PKD1L3: variants seen among roughly 807,000 people sequenced by gnomAD.
PKD1L3 encodes the protein polycystin-1-like protein 3.
A neutral mutation model predicts 184.1 loss-of-function variants in PKD1L3; 239 were observed. That is an observed-to-expected ratio of 1.30 (90% CI 1.17 to 1.45). PKD1L3 has a LOEUF of 1.45. Ranked by LOEUF, PKD1L3 falls within the 40% of genes most tolerant of loss-of-function variation. The pLI is 0.00. For missense variants in PKD1L3, 2,660 were observed against 2,067.2 expected, an observed-to-expected ratio of 1.29 and a Z score of -5.56; for synonymous variants, 996 against 778.8, an observed-to-expected ratio of 1.28 and a Z score of -4.64.
chr16:71,989,478 A>C (rs946599385), intron 4 of PKD1L3, among the ~76,000 whole-genome samples: 1 of 152,226 alleles, frequency 6.6e-6, no homozygotes, highest in East Asian at 1.9e-4. Context: ...TGTTAGAAAC[A>C]CTTATTTTTG....
chr16:71,933,550 G>A, intron 27 of PKD1L3, 29 bp from the exon 28 acceptor site: 2 of 1,446,536 alleles, frequency 1.4e-6, no homozygotes, highest in Non-Finnish European at 1.9e-6. Flanking sequence ...GCCAGTTAGT[G>A]CAAGCCGAGC....
chr16:71,980,984 G>C (rs2040128619), intron 7 of PKD1L3, among the ~76,000 whole-genome samples: 1 of 152,134 alleles, frequency 6.6e-6, no homozygotes, highest in African/African-American at 2.4e-5. Flanking sequence ...ACAACATACA[G>C]TCTTTTGTGA....
intron 17 of PKD1L3, among the ~76,000 whole-genome samples, 163 bp downstream of exon 17, chr16:71,953,942 A>C (rs1597312786): frequency 6.6e-6 from 1 of 152,094 alleles, no homozygotes; most frequent in African/African-American, 2.4e-5. Flanking sequence ...TAGGCTGGGC[A>C]TGGTGACTCG....
At chr16:71,990,429 A>AT (rs1325604649) in intron 3 of PKD1L3, 100 bp from the exon 4 acceptor site, 1 of 1,027,308 alleles carries the variant, frequency 9.7e-7, no homozygotes, top group East Asian at 3.0e-5. Context: ...AATAATGCAA[A>AT]TTGTTTTACA....
chr16:71,985,402 G>A (rs1435319888), intron 5 of PKD1L3, among the ~76,000 whole-genome samples: 1 of 152,094 alleles, frequency 6.6e-6, no homozygotes, highest in East Asian at 1.9e-4. Flanking sequence ...ATTTTCTTCA[G>A]TCAATACTGT....
intron 12 of PKD1L3, among the ~76,000 whole-genome samples, 191 bp from the exon 13 acceptor site, chr16:71,970,296 C>T (rs2039663136): frequency 6.6e-6 from 1 of 152,176 alleles, no homozygotes; most frequent in South Asian, 2.1e-4. Flanking sequence ...TGAAGCAGAA[C>T]AAACTCTTTG....
Position 71,998,461 on chromosome 16 carries a change from T to G in PKD1L3, c.296-67A>C, listed in dbSNP as rs1597385678. On this transcript the variant is annotated intron_variant, in intron 1 of 29. Coordinates refer to ENST00000620267, the MANE Select transcript of PKD1L3 (RefSeq NM_181536.2). ...CCAGGCTTTTAGGTTTATTTTTTAT[T>G]ATTGTTTTTGAGACAGTCCCACTCA... The G allele has an allele frequency of 6.0e-6, 9 of 1,505,922 alleles. No individual in the cohort carries two copies. The East Asian group carries it at 2.2e-4, about 37-fold the overall frequency. 93.3% of individuals were successfully genotyped at this position (1,505,922 alleles called of 1,614,324 possible). A position where few individuals can be genotyped will look rare whatever the true frequency, so the allele number is the denominator to read the frequency against.
Position 71,944,701 on chromosome 16 carries a change from G to GTTTT in PKD1L3, c.3719-532_3719-531insAAAA, listed in dbSNP as rs200921195. On this transcript the variant is annotated intron_variant, in intron 22 of 29. Coordinates refer to ENST00000620267, the MANE Select transcript of PKD1L3 (RefSeq NM_181536.2). Reference sequence around the variant, plus strand: ...CATAGCAAGACCATATCTGTTTTTTGTTTGTTTTTTTTTTTTGAGACGGAG... The same window carrying GTTTT: ...CATAGCAAGACCATATCTGTTTTTTGTTTTTTTGTTTTTTTTTTTTGAGACGGAG... Among the ~76,000 whole-genome samples the GTTTT allele has an allele frequency of 1.1e-4, 15 of 141,144 alleles. 3 individuals are homozygous for GTTTT. Among genetic ancestry groups the GTTTT allele is most frequent in the Non-Finnish European group, 1.5e-4 (10 of 65,412 alleles). The allele number at this position is 141,144 out of a possible 152,430, so 92.6% of individuals were successfully genotyped here.
chr16:71,951,459 A>T (rs1468815983), intron 19 of PKD1L3, 105 bp downstream of exon 19: 2 of 1,152,584 alleles, frequency 1.7e-6, no homozygotes, highest in Non-Finnish European at 2.4e-6. Flanking sequence ...AACAACCAGA[A>T]GGTTGTATCA....
intron 16 of PKD1L3, among the ~76,000 whole-genome samples, chr16:71,958,771 A>G (rs1393448784): frequency 2.5e-5 from 3 of 121,628 alleles, no homozygotes; most frequent in African/African-American, 1.0e-4. Flanking sequence ...ATAGAGCAAG[A>G]CTCTATCTCA....
At chr16:71,963,156 T>G in intron 16 of PKD1L3, 49 bp downstream of exon 16, 3 of 1,466,292 alleles carry the variant, frequency 2.0e-6, no homozygotes, top group Non-Finnish European at 2.7e-6. Context: ...ACAATTCAAT[T>G]AATAGTGAAC....
At chr16:71,951,455 C>T in intron 19 of PKD1L3, 109 bp downstream of exon 19, 10 of 1,154,072 alleles carry the variant, frequency 8.7e-6, no homozygotes, top group Non-Finnish European at 1.2e-5. Flanking sequence ...TTAAAACAAC[C>T]AGAAGGTTGT....
At chr16:71,951,156 C>A (rs929797270) in intron 19 of PKD1L3, among the ~76,000 whole-genome samples, 1 of 152,106 alleles carries the variant, frequency 6.6e-6, no homozygotes, top group Non-Finnish European at 1.5e-5. Flanking sequence ...TCTCCTGCCT[C>A]AGCCTCCCCC....
intron 29 of PKD1L3, 88 bp downstream of exon 29, chr16:71,929,964 A>G: frequency 7.2e-7 from 1 of 1,390,636 alleles, no homozygotes; most frequent in African/African-American, 1.5e-5. Flanking sequence ...TGCATTATAA[A>G]TTATGTCAGC....
rs1238847809 is a variant in PKD1L3 at position 71,943,036 on chromosome 16, G to A, written c.3860-12C>T. The A allele has an allele frequency of 2.4e-5, 37 of 1,522,452 alleles. No individual in the cohort carries two copies. Among genetic ancestry groups the A allele is most frequent in the Non-Finnish European group, 2.8e-5 (32 of 1,126,472 alleles). 94.3% of individuals were successfully genotyped at this position (1,522,452 alleles called of 1,614,324 possible). A position where few individuals can be genotyped will look rare whatever the true frequency, so the allele number is the denominator to read the frequency against. On this transcript the variant is annotated splice_polypyrimidine_tract_variant and intron_variant, in intron 23 of 29. Coordinates refer to ENST00000620267, the MANE Select transcript of PKD1L3 (RefSeq NM_181536.2). ...GAAGAGGATTTGTACTTGTTTAGAA[G>A]AGGAAAAAAATGTCATAGTTGAGTG...
At chr16:71,997,614 G>T (rs938957020) in intron 2 of PKD1L3, among the ~76,000 whole-genome samples, 7 of 152,138 alleles carry the variant, frequency 4.6e-5, no homozygotes, top group Non-Finnish European at 1.0e-4. Flanking sequence ...CGGGCATGGT[G>T]GCACATGCCT....
In PKD1L3 at chr16:71,954,176, A is replaced by G; in HGVS notation, c.2738T>C (p.Leu913Pro). ...AACATTGATGACCATGTTGCAGAGT[A>G]GCAGTGTCATGCAGCAAGACAGCCG... The part of the protein sequence containing the change: ...VQRLSCCMTL[L>P]LCNMVINVMF... The change falls in exon 17 of 30, where the codon CTA becomes CCA. Residue 913 changes from leucine to proline, a missense_variant. Coordinates refer to ENST00000620267, the MANE Select transcript of PKD1L3 (RefSeq NM_181536.2). 6.4e-7 allele frequency: 1 copy of G among 1,551,812 alleles called. No homozygotes were observed. Among genetic ancestry groups the G allele is most frequent in the Non-Finnish European group, 8.7e-7 (1 of 1,146,968 alleles).
Position 71,978,350 on chromosome 16 carries a change from A to G in PKD1L3, c.1432T>C (p.Leu478=). 1 of 1,550,524 alleles carries G rather than the reference A, an allele frequency of 6.4e-7. No individual in the cohort carries two copies. Among genetic ancestry groups the G allele is most frequent in the East Asian group, 2.4e-5 (1 of 40,822 alleles). ...TGLAFNPFKD[L]DNRNIVGSIG... is the part of the protein sequence containing the mutation. ...CTTCCAACAATGTTTCTGTTGTCCA[A>G]ATCCTTGAAGGGATTGAAAGCTAGT... is the stretch of plus-strand genomic sequence containing the variant. The change falls in exon 10 of 30, where the codon TTG becomes CTG. Residue 478 remains leucine (L), a synonymous_variant. Coordinates refer to ENST00000620267, the MANE Select transcript of PKD1L3 (RefSeq NM_181536.2).
chr16:71,947,860 G>A (rs1301744947), intron 21 of PKD1L3, among the ~76,000 whole-genome samples: 1 of 151,306 alleles, frequency 6.6e-6, no homozygotes, highest in South Asian at 2.1e-4. Flanking sequence ...AACGATTTGT[G>A]TTGTCTATTC....
Sources: gnomAD v4.1 joint callset for allele counts (sites outside exome capture counted in the v4.1 genomes callset) on GRCh38, gnomAD v4.1.1 for gene constraint, MANE v1.5 for transcripts, NCBI Gene and HGNC (gene_info 2026-07-23, HGNC 2026-07-21) for gene names.